Variants in KLHL29 observed in about 807,000 individuals in gnomAD.
KLHL29 encodes kelch like family member 29.
In KLHL29, 21 loss-of-function variants were observed where a neutral mutation model predicts 80.4. That is an observed-to-expected ratio of 0.26 (90% CI 0.19 to 0.38). The LOEUF is 0.38. KLHL29 is among the 10% of genes least tolerant of loss of function. The pLI, the probability that KLHL29 is intolerant of heterozygous loss-of-function variation, is 1.00. For missense variants in KLHL29, 867 were observed against 1,223.9 expected (o/e 0.71, Z 4.35); for synonymous variants, 511 against 526.8 (o/e 0.97, Z 0.41).
intron 1 of KLHL29, among the ~76,000 whole-genome samples, chr2:23,413,845 G>A (rs372684232): frequency 1.3e-5 from 2 of 152,288 alleles, no homozygotes; most frequent in South Asian, 2.1e-4. Flanking sequence ...CTTCCCCCAC[G>A]GGTGCGGTGG....
intron 1 of KLHL29, among the ~76,000 whole-genome samples, chr2:23,402,241 CCT>C (rs1432379719): frequency 2.0e-5 from 3 of 152,130 alleles, no homozygotes; most frequent in Non-Finnish European, 4.4e-5. Flanking sequence ...AAATGCAAAC[CCT>C]GTGGATTTTC....
intron 2 of KLHL29, among the ~76,000 whole-genome samples, chr2:23,481,044 C>T (rs773355354): frequency 2.0e-5 from 3 of 152,216 alleles, no homozygotes; most frequent in Non-Finnish European, 2.9e-5. Flanking sequence ...GCTCTCGAAA[C>T]GGTAACTCTC....
intron 3 of KLHL29, among the ~76,000 whole-genome samples, chr2:23,563,846 G>C (rs926121828): frequency 6.6e-6 from 1 of 152,226 alleles, no homozygotes; most frequent in Non-Finnish European, 1.5e-5. Context: ...CCACTGAGGC[G>C]GGGAGGGAAA....
chr2:23,572,980 G>C (rs968171091), intron 3 of KLHL29, among the ~76,000 whole-genome samples: 1 of 152,226 alleles, frequency 6.6e-6, no homozygotes, highest in African/African-American at 2.4e-5. Flanking sequence ...GAGCCACCGC[G>C]CCCGGCCCAA....
At chr2:23,451,495 C>T (rs745590977) in intron 1 of KLHL29, among the ~76,000 whole-genome samples, 4 of 152,184 alleles carry the variant, frequency 2.6e-5, no homozygotes, top group Non-Finnish European at 5.9e-5. Flanking sequence ...GCTGTGCATG[C>T]GCCTTGCAAG....
At chr2:23,415,126 G>A (rs565892632) in intron 1 of KLHL29, among the ~76,000 whole-genome samples, 1 of 152,346 alleles carries the variant, frequency 6.6e-6, no homozygotes, top group Non-Finnish European at 1.5e-5. Flanking sequence ...TGCAAATGCT[G>A]CAGTTCTGCG....
rs115118378 is a variant in KLHL29 at position 23,610,146 on chromosome 2, A to C, written c.286-28993A>C. On this transcript the variant is annotated intron_variant, in intron 3 of 13. Coordinates refer to ENST00000486442, the MANE Select transcript of KLHL29 (RefSeq NM_052920.2). ...CCTTCCTCCCAACACTTGGAAATAA[A>C]GCCTTTCAACTGGATGCTAGTAGTC... Among the ~76,000 whole-genome samples, 826 of 152,302 alleles carry C rather than the reference A, an allele frequency of 5.4e-3. 9 individuals carry two copies. The highest frequency in any genetic ancestry group is 0.019 in the African/African-American group (805 of 41,556).
At chr2:23,508,242 T>C (rs1231608042) in intron 2 of KLHL29, among the ~76,000 whole-genome samples, 1 of 152,224 alleles carries the variant, frequency 6.6e-6, no homozygotes, top group African/African-American at 2.4e-5. Context: ...ACAGATTCTG[T>C]AGGTCAGGAC....
At chr2:23,638,753 G>A (rs1161969628) in intron 3 of KLHL29, among the ~76,000 whole-genome samples, 4 of 152,162 alleles carry the variant, frequency 2.6e-5, no homozygotes. Flanking sequence ...GCACATGCCC[G>A]ATAAGTTGGT....
chr2:23,688,273 G>A (rs924900287), intron 6 of KLHL29, among the ~76,000 whole-genome samples: 4 of 152,192 alleles, frequency 2.6e-5, no homozygotes, highest in South Asian at 2.1e-4. Context: ...ACGCCCAGGC[G>A]TTCATTCATG....
intron 13 of KLHL29, 109 bp downstream of exon 13, chr2:23,703,972 A>G: frequency 8.0e-7 from 1 of 1,253,252 alleles, no homozygotes; most frequent in South Asian, 1.5e-5. Flanking sequence ...TCCCAGGCCC[A>G]GAGCAGTGGC....
chr2:23,513,946 G>T (rs933230679), intron 2 of KLHL29, among the ~76,000 whole-genome samples: 4 of 152,118 alleles, frequency 2.6e-5, no homozygotes, highest in African/African-American at 9.7e-5. Context: ...CTGGCTGCCG[G>T]CAACTCTGCT....
intron 3 of KLHL29, among the ~76,000 whole-genome samples, chr2:23,589,676 AG>A (rs1167927256): frequency 1.6e-4 from 25 of 152,232 alleles, no homozygotes; most frequent in Non-Finnish European, 3.5e-4. Context: ...GCAGAGAAGT[AG>A]GCTTTTCCTC....
intron 3 of KLHL29, among the ~76,000 whole-genome samples, chr2:23,570,729 G>T (rs763427696): frequency 4.6e-5 from 7 of 152,244 alleles, no homozygotes; most frequent in Admixed American, 2.0e-4. Context: ...AAGACAGTCG[G>T]CTAGGGTAGG....
chr2:23,610,148 C>G (rs1668823122), intron 3 of KLHL29, among the ~76,000 whole-genome samples: 1 of 152,170 alleles, frequency 6.6e-6, no homozygotes, highest in African/African-American at 2.4e-5. Context: ...GGAAATAAAG[C>G]CTTTCAACTG....
At chr2:23,511,585 T>C (rs962600158) in intron 2 of KLHL29, among the ~76,000 whole-genome samples, 15 of 152,316 alleles carry the variant, frequency 9.8e-5, no homozygotes, top group Admixed American at 5.9e-4. Context: ...CTGGGAGATA[T>C]GAGGATCTGG....
At chr2:23,517,626 G>GCAGA (rs4041285) in intron 2 of KLHL29, among the ~76,000 whole-genome samples, 11 of 282 alleles carry the variant, frequency 0.039, no homozygotes, top group South Asian at 0.25. Context: ...TTTTTAACAT[G>GCAGA]TGCAGAGTGG....
At chr2:23,425,233 G>A (rs891094515) in intron 1 of KLHL29, among the ~76,000 whole-genome samples, 3 of 151,882 alleles carry the variant, frequency 2.0e-5, no homozygotes, top group Non-Finnish European at 2.9e-5. Flanking sequence ...TTTTTTAATT[G>A]TAGGGGGTTT....
intron 3 of KLHL29, among the ~76,000 whole-genome samples, chr2:23,597,215 G>T (rs1668428489): frequency 6.6e-6 from 1 of 150,746 alleles, no homozygotes; most frequent in African/African-American, 2.4e-5. Context: ...TCTGATGAGG[G>T]CATTGTTTCC....
Sources: gnomAD v4.1 joint callset for allele counts (sites outside exome capture counted in the v4.1 genomes callset) on GRCh38, gnomAD v4.1.1 for gene constraint, MANE v1.5 for transcripts, NCBI Gene and HGNC (gene_info 2026-07-23, HGNC 2026-07-21) for gene names.